ERGIC1: variants seen among roughly 807,000 people sequenced by gnomAD.
ERGIC1 encodes the protein endoplasmic reticulum-golgi intermediate compartment 1, also known as endoplasmic reticulum-Golgi intermediate compartment protein 1.
Under a neutral mutation model 38.3 loss-of-function variants are expected in ERGIC1, and 19 were observed. The observed-to-expected ratio is 0.50, with a 90% CI of 0.35 to 0.73. The LOEUF is 0.73. Ranked by LOEUF, ERGIC1 falls within the 30% of genes least tolerant of loss-of-function variation. The pLI is 0.01. For synonymous variants in ERGIC1, 124 were observed against 157.6 expected (o/e 0.79, Z 1.60); for missense variants, 294 against 389.2 (o/e 0.76, Z 2.06).
At chr5:172,930,853 A>G (rs1336283891) in intron 7 of ERGIC1, among the ~76,000 whole-genome samples, 2 of 152,126 alleles carry the variant, frequency 1.3e-5, no homozygotes, top group Non-Finnish European at 2.9e-5. Flanking sequence ...GTGTCTTTTT[A>G]TTCCAAATGA....
intron 1 of ERGIC1, among the ~76,000 whole-genome samples, chr5:172,858,485 T>C (rs1761613369): frequency 6.6e-6 from 1 of 152,162 alleles, no homozygotes; most frequent in Non-Finnish European, 1.5e-5. Context: ...CCCTTCCTCG[T>C]CAGTCACACG....
intron 1 of ERGIC1, among the ~76,000 whole-genome samples, chr5:172,865,643 A>T (rs1761839056): frequency 6.6e-6 from 1 of 152,050 alleles, no homozygotes; most frequent in Admixed American, 6.6e-5. Flanking sequence ...CCACGGGGTG[A>T]CCTATCTCCT....
At chr5:172,901,978 C>T (rs1762892566) in intron 3 of ERGIC1, among the ~76,000 whole-genome samples, 2 of 152,210 alleles carry the variant, frequency 1.3e-5, no homozygotes, top group African/African-American at 4.8e-5. Context: ...CCCCATGTTA[C>T]AGCTGGGGAA....
At chr5:172,848,045 G>T (rs1761320625) in intron 1 of ERGIC1, among the ~76,000 whole-genome samples, 1 of 152,226 alleles carries the variant, frequency 6.6e-6, no homozygotes, top group Admixed American at 6.5e-5. Flanking sequence ...GAGAGGAGAT[G>T]TTGAAGACAT....
intron 9 of ERGIC1, among the ~76,000 whole-genome samples, chr5:172,948,195 T>C (rs529395378): frequency 1.7e-4 from 26 of 152,316 alleles, no homozygotes; most frequent in Admixed American, 1.2e-3. Context: ...TGGGCTGTTA[T>C]TACTGGAGGA....
At chr5:172,950,027 C>T (rs1164727996) in intron 9 of ERGIC1, among the ~76,000 whole-genome samples, 3 of 152,090 alleles carry the variant, frequency 2.0e-5, no homozygotes, top group Admixed American at 6.5e-5. Flanking sequence ...GAGCTGAGAT[C>T]ACGCCACTGC....
chr5:172,914,958 C>G (rs534797808), intron 5 of ERGIC1, 120 bp downstream of exon 5: 1 of 1,494,222 alleles, frequency 6.7e-7, no homozygotes, highest in South Asian at 1.2e-5. Context: ...CCCCAGCAAG[C>G]GAGGGTTCGT....
rs2113501890 is a variant in ERGIC1 at position 172,951,111 on chromosome 5, G to A, written c.*295G>A. On this transcript the variant is annotated 3_prime_UTR_variant, in exon 10 of 10. Transcript: ENST00000393784. ...GGGATCTTGGGGACCCCTCCTAGGA[G>A]AGCTGCAGTCTCTTCCCTCAGGGGA... 1 of 287,266 alleles carries A rather than the reference G, an allele frequency of 3.5e-6. No homozygotes were observed. Among genetic ancestry groups the A allele is most frequent in the Non-Finnish European group, 6.6e-6 (1 of 152,478 alleles). 17.8% of individuals were successfully genotyped at this position (287,266 alleles called of 1,614,324 possible).
At chr5:172,873,511 A>G (rs1356820885) in intron 1 of ERGIC1, among the ~76,000 whole-genome samples, 1 of 152,014 alleles carries the variant, frequency 6.6e-6, no homozygotes, top group African/African-American at 2.4e-5. Context: ...TGCATCCTTC[A>G]CTCACTCACC....
intron 1 of ERGIC1, among the ~76,000 whole-genome samples, chr5:172,851,702 G>C (rs1158884324): frequency 6.6e-6 from 1 of 151,984 alleles, no homozygotes; most frequent in Non-Finnish European, 1.5e-5. Flanking sequence ...GGTGCCCGAG[G>C]ACCCCTCTGA....
At chr5:172,894,265 G>A (rs1245188982) in intron 2 of ERGIC1, among the ~76,000 whole-genome samples, 6 of 133,638 alleles carry the variant, frequency 4.5e-5, no homozygotes, top group Non-Finnish European at 6.2e-5. Flanking sequence ...GCACGATCTC[G>A]GCTCACTGCA....
chr5:172,889,859 G>A (rs1762514747), intron 2 of ERGIC1, among the ~76,000 whole-genome samples: 1 of 152,194 alleles, frequency 6.6e-6, no homozygotes, highest in Non-Finnish European at 1.5e-5. Flanking sequence ...GCTTCAGTGA[G>A]CATTTCCTTT....
intron 3 of ERGIC1, among the ~76,000 whole-genome samples, chr5:172,904,025 T>C (rs1378423750): frequency 6.6e-6 from 1 of 151,404 alleles, no homozygotes; most frequent in East Asian, 1.9e-4. Flanking sequence ...TCACTCACTC[T>C]CCTGCCCTGG....
intron 3 of ERGIC1, among the ~76,000 whole-genome samples, chr5:172,907,083 G>A (rs1763048831): frequency 6.6e-6 from 1 of 152,260 alleles, no homozygotes. Flanking sequence ...AGTCCCGCCT[G>A]CTCTACGTGG....
In ERGIC1 at chr5:172,952,560, G is replaced by A. The variant is rs575286810; in HGVS notation, c.*1744G>A. 1 of 150,640 alleles carries A rather than the reference G, an allele frequency of 6.6e-6. No individual in the cohort carries two copies. The highest frequency in any genetic ancestry group is 2.1e-4 in the South Asian group (1 of 4,740). 9.3% of individuals were successfully genotyped at this position (150,640 alleles called of 1,614,324 possible). Reference sequence around the variant, plus strand: ...AACTCTGAGGACATAGGGGATGTCAGTTTCCTATGGAAGAGACACCTCTGA... The same window carrying A: ...AACTCTGAGGACATAGGGGATGTCAATTTCCTATGGAAGAGACACCTCTGA... On this transcript the variant is annotated 3_prime_UTR_variant, in exon 10 of 10. Coordinates refer to ENST00000393784, the MANE Select transcript of ERGIC1 (RefSeq NM_001031711.3).
In ERGIC1 at chr5:172,893,935, G is replaced by GTGTGTGTGTGTGTGTGTATA. The variant is rs1429850022; in HGVS notation, c.83-3066_83-3065insGTGTGTGTGTGTGTGTATAT. ...TGTGTGTGTGTGTGTGTGTGTGTGT[G>GTGTGTGTGTGTGTGTGTATA]TATATATATATATATATATTTAAAT... On this transcript the variant is annotated intron_variant, in intron 2 of 9. Transcript: ENST00000393784. Among the ~76,000 whole-genome samples the GTGTGTGTGTGTGTGTGTATA allele has an allele frequency of 3.6e-3, 156 of 42,754 alleles. 3 individuals carry two copies. Among genetic ancestry groups the GTGTGTGTGTGTGTGTGTATA allele is most frequent in the South Asian group, 5.2e-3 (6 of 1,154 alleles). The allele number at this position is 42,754 out of a possible 152,430, so 28.0% of individuals were successfully genotyped here.
At chr5:172,905,696 C>T (rs555968703) in intron 3 of ERGIC1, among the ~76,000 whole-genome samples, 33 of 152,154 alleles carry the variant, frequency 2.2e-4, no homozygotes, top group East Asian at 3.9e-4. Context: ...GGGTCTGTGA[C>T]GACTGCGATC....
At chr5:172,867,203 A>G (rs1166613445) in intron 1 of ERGIC1, 1 of 455,672 alleles carries the variant, frequency 2.2e-6, no homozygotes, top group Non-Finnish European at 4.4e-6. Flanking sequence ...GCTACCTGGA[A>G]AGTGGGGATG....
At chr5:172,882,806 A>C (rs868445948) in intron 1 of ERGIC1, among the ~76,000 whole-genome samples, 1 of 152,024 alleles carries the variant, frequency 6.6e-6, no homozygotes, top group Non-Finnish European at 1.5e-5. Context: ...GCAAAGACTT[A>C]CTCTGCCTGA....
Sources: gnomAD v4.1 joint callset for allele counts (sites outside exome capture counted in the v4.1 genomes callset) on GRCh38, gnomAD v4.1.1 for gene constraint, MANE v1.5 for transcripts, NCBI Gene and HGNC (gene_info 2026-07-23, HGNC 2026-07-21) for gene names.